The following ANKRD44 variants were observed in gnomAD, a reference collection of about 807,000 sequenced individuals.
ANKRD44 encodes serine/threonine-protein phosphatase 6 regulatory ankyrin repeat subunit B.
A neutral mutation model predicts 116.0 loss-of-function variants in ANKRD44; 35 were observed. The ratio of observed to expected loss-of-function variants is 0.30; its 90% CI spans 0.23 to 0.40. The LOEUF (loss-of-function observed/expected upper bound fraction) is 0.40. ANKRD44 is among the 10% of genes least tolerant of loss of function. The pLI, the probability that ANKRD44 is intolerant of heterozygous loss-of-function variation, is 1.00. For missense variants in ANKRD44, 1,014 were observed against 1,242.6 expected (o/e 0.82, Z 2.77); for synonymous variants, 435 against 461.8 (o/e 0.94, Z 0.74).
At chr2:197,205,450 G>T (rs1659101708) in intron 1 of ANKRD44, among the ~76,000 whole-genome samples, 1 of 152,192 alleles carries the variant, frequency 6.6e-6, no homozygotes, top group African/African-American at 2.4e-5. Flanking sequence ...AACCTGGTGA[G>T]TTGCGAAGTG....
At chr2:197,063,761 T>TA (rs2125064737) in intron 16 of ANKRD44, among the ~76,000 whole-genome samples, 1 of 151,630 alleles carries the variant, frequency 6.6e-6, no homozygotes, top group Non-Finnish European at 1.5e-5. Flanking sequence ...GAAAAAAGAG[T>TA]AAAAAGAAAC....
intron 9 of ANKRD44, among the ~76,000 whole-genome samples, chr2:197,110,089 G>T (rs1008982087): frequency 2.6e-5 from 4 of 151,960 alleles, no homozygotes; most frequent in Admixed American, 1.3e-4. Flanking sequence ...CGATTCTCCT[G>T]CCTCAGCCTC....
chr2:197,006,709 T>C (rs894291698), intron 20 of ANKRD44, among the ~76,000 whole-genome samples: 2 of 152,192 alleles, frequency 1.3e-5, no homozygotes, highest in African/African-American at 2.4e-5. Flanking sequence ...AATGATCACA[T>C]AGCGTTCCTC....
At chr2:197,102,732 C>T (rs908191288) in intron 9 of ANKRD44, among the ~76,000 whole-genome samples, 2 of 151,302 alleles carry the variant, frequency 1.3e-5, no homozygotes, top group Non-Finnish European at 2.9e-5. Context: ...AATATAAAAC[C>T]CCAAGAAATA....
intron 1 of ANKRD44, among the ~76,000 whole-genome samples, chr2:197,217,419 T>C (rs1184431007): frequency 1.3e-5 from 2 of 152,170 alleles, no homozygotes; most frequent in African/African-American, 4.8e-5. Flanking sequence ...TTCTTTAATA[T>C]GGAAAATGTT....
chr2:197,300,645 T>C (rs190705583), intron 1 of ANKRD44, among the ~76,000 whole-genome samples: 1 of 152,130 alleles, frequency 6.6e-6, no homozygotes, highest in Admixed American at 6.6e-5. Context: ...ATTTCAAGAA[T>C]CCTAATGTGT....
intron 16 of ANKRD44, among the ~76,000 whole-genome samples, chr2:197,029,105 A>C (rs899927935): frequency 2.0e-5 from 3 of 151,710 alleles, no homozygotes; most frequent in African/African-American, 7.3e-5. Flanking sequence ...CATTAGGTAT[A>C]TCTCCTAATG....
Position 196,987,664 on chromosome 2 carries a change from G to A in ANKRD44, c.*1927C>T. The stretch of plus-strand genomic sequence containing the variant: ...ATAGAAATACCCTGAGCTATTTACT[G>A]TAGAATCATAGCAGATTTTAGGCAA... On this transcript the variant is annotated 3_prime_UTR_variant, in exon 28 of 28. Coordinates refer to ENST00000282272, the MANE Select transcript of ANKRD44 (RefSeq NM_001195144.2). The A allele has an allele frequency of 1.0e-6, 1 of 985,414 alleles. No individual in the cohort carries two copies. The highest frequency in any genetic ancestry group is 1.2e-6 in the Non-Finnish European group (1 of 829,916). 61.0% of individuals were successfully genotyped at this position (985,414 alleles called of 1,614,324 possible).
chr2:196,979,554 C>CCTTTTTTTTTTTTT (rs2075785197), intron 21 of ANKRD44, among the ~76,000 whole-genome samples: 30 of 59,638 alleles, frequency 5.0e-4, no homozygotes, highest in African/African-American at 1.9e-3. Flanking sequence ...AATAAGATGA[C>CCTTTTTTTTTTTTT]TTTTTTTTTT....
intron 9 of ANKRD44, among the ~76,000 whole-genome samples, chr2:197,100,271 C>A (rs1252898124): frequency 6.6e-6 from 1 of 151,952 alleles, no homozygotes; most frequent in African/African-American, 2.4e-5. Context: ...CTCATCTCTA[C>A]CAAAAATAAA....
chr2:197,305,421 TCTGC>T (rs1364521963), intron 1 of ANKRD44, among the ~76,000 whole-genome samples: 1 of 152,232 alleles, frequency 6.6e-6, no homozygotes, highest in Admixed American at 6.5e-5. Flanking sequence ...TCTCTGTAGC[TCTGC>T]CTGTTTTTAA....
intron 26 of ANKRD44, 92 bp from the exon 27 acceptor site, chr2:196,993,766 A>G: frequency 1.0e-6 from 1 of 1,003,902 alleles, no homozygotes; most frequent in Non-Finnish European, 1.5e-6. Flanking sequence ...AGGAAGAAGT[A>G]CTTAGACTCT....
At chr2:197,044,878 T>C (rs1028576865) in intron 16 of ANKRD44, among the ~76,000 whole-genome samples, 11 of 151,964 alleles carry the variant, frequency 7.2e-5, no homozygotes, top group African/African-American at 2.4e-4. Context: ...AAAAAAAAAT[T>C]AGTAGAGCTT....
At chr2:197,234,901 G>A (rs13409147) in intron 1 of ANKRD44, among the ~76,000 whole-genome samples, 30,626 of 152,056 alleles carry the variant, frequency 0.2, 3,237 homozygotes, top group Middle Eastern at 0.31. Flanking sequence ...AAAACAGGGC[G>A]AACTCAATGG....
At chr2:197,127,730 T>G (rs1293841043) in intron 4 of ANKRD44, among the ~76,000 whole-genome samples, 3 of 152,196 alleles carry the variant, frequency 2.0e-5, no homozygotes, top group Admixed American at 6.5e-5. Flanking sequence ...TATAGGTAAA[T>G]GCATGTATGG....
chr2:197,121,289 C>T (rs2078847187), intron 8 of ANKRD44, 43 bp downstream of exon 8: 2 of 1,572,534 alleles, frequency 1.3e-6, no homozygotes, highest in Non-Finnish European at 1.8e-6. Flanking sequence ...CAAACAGAAG[C>T]TCAATGCAAA....
Position 196,987,075 on chromosome 2 carries a change from CA to C in ANKRD44, c.*2515del. 2 of 984,698 alleles carry C rather than the reference CA, an allele frequency of 2.0e-6. No individual in the cohort carries two copies. The highest frequency in any genetic ancestry group is 9.4e-5 in the South Asian group (2 of 21,280). 61.0% of individuals were successfully genotyped at this position (984,698 alleles called of 1,614,324 possible). A position where few individuals can be genotyped will look rare whatever the true frequency, so the allele number is the denominator to read the frequency against. On this transcript the variant is annotated 3_prime_UTR_variant, in exon 28 of 28. Coordinates refer to ENST00000282272, the MANE Select transcript of ANKRD44 (RefSeq NM_001195144.2). ...AAAACTACCAAATAAAAGATATTTG[CA>C]TTGAATTTTTAGATCACATAAGAAA...
intron 1 of ANKRD44, among the ~76,000 whole-genome samples, chr2:197,221,940 C>T (rs913441007): frequency 6.6e-6 from 1 of 152,186 alleles, no homozygotes; most frequent in African/African-American, 2.4e-5. Flanking sequence ...GCTACTTTAA[C>T]ATCAGAATCT....
At chr2:197,195,116 T>C (rs1163959250) in intron 1 of ANKRD44, among the ~76,000 whole-genome samples, 1 of 152,146 alleles carries the variant, frequency 6.6e-6, no homozygotes, top group Non-Finnish European at 1.5e-5. Flanking sequence ...ATTCAGACTA[T>C]GGGCACAGGC....
Sources: gnomAD v4.1 joint callset for allele counts (sites outside exome capture counted in the v4.1 genomes callset) on GRCh38, gnomAD v4.1.1 for gene constraint, MANE v1.5 for transcripts, NCBI Gene and HGNC (gene_info 2026-07-23, HGNC 2026-07-21) for gene names.